Variants in IKZF5 observed in about 807,000 individuals in gnomAD.
IKZF5 encodes zinc finger protein Pegasus.
Under a neutral mutation model 30.7 loss-of-function variants are expected in IKZF5, and 4 were observed. That is an observed-to-expected ratio of 0.13 (90% confidence interval 0.06 to 0.30). IKZF5 has a LOEUF of 0.30. Ranked by LOEUF, IKZF5 falls within the 10% of genes least tolerant of loss-of-function variation. The probability of loss-of-function intolerance (pLI) is 1.00; values close to 1 mark genes in which losing one functional copy is unlikely to be tolerated. For synonymous variants in IKZF5, 148 were observed against 179.6 expected (o/e 0.82, Z 1.41); for missense variants, 348 against 525.5 (o/e 0.66, Z 3.30).
chr10:122,994,309 T>C lies in IKZF5; in HGVS notation c.731A>G (p.Gln244Arg). 6.2e-7 allele frequency: 1 copy of C among 1,614,044 alleles called. No homozygotes were observed. Residue 244 changes from glutamine to arginine, a missense_variant, in exon 5 of 5, where the codon CAA becomes CGA. Physicochemically the swap from Gln to Arg is conservative, Grantham distance 43. Coordinates refer to ENST00000368886, the MANE Select transcript of IKZF5 (RefSeq NM_001372123.1). This position sits in a 1 kb window ranked among gnomAD's most constrained non-coding sequence, Gnocchi z 5.6. ...TPTGGLPRDPQELMVDNPLNQ... is the reference protein window; with the variant it reads ...TPTGGLPRDPRELMVDNPLNQ... ...CAAAGGGTTATCAACCATGAGTTCT[T>C]GGGGGTCCCTTGGAAGGCCACCAGT... is the stretch of plus-strand genomic sequence containing the variant.
intron 2 of IKZF5, among the ~76,000 whole-genome samples, chr10:123,005,642 G>A (rs1486774225): frequency 3.3e-5 from 5 of 152,168 alleles, no homozygotes; most frequent in East Asian, 1.9e-4. Flanking sequence ...GATGGCATCT[G>A]GAGTGGGGCC....
In IKZF5 at chr10:122,994,188, C is replaced by G; in HGVS notation, c.852G>C (p.Lys284Asn). Residue 284 changes from lysine to asparagine, a missense_variant, in exon 5 of 5, where the codon AAG (lysine) becomes AAC (asparagine). Physicochemically the swap from Lys to Asn is moderately conservative, Grantham distance 94 (BLOSUM62 0). Coordinates refer to ENST00000368886, the MANE Select transcript of IKZF5 (RefSeq NM_001372123.1). This position sits in a 1 kb window ranked among gnomAD's most constrained non-coding sequence, Gnocchi z 5.6. ...SPDVVPCPDE[K>N]PFMIQQPSTQ... ...TAGAGGGCTGCTGAATCATGAAAGG[C>G]TTTTCATCAGGGCAGGGAACTACAT... 1 of 1,614,116 alleles carries G rather than the reference C, an allele frequency of 6.2e-7. No homozygotes were observed. The highest frequency in any genetic ancestry group is 1.6e-4 in the Middle Eastern group (1 of 6,062).
chr10:122,992,123 CAA>C lies in IKZF5; in HGVS notation c.*1655_*1656del, dbSNP rs1849183286. The C allele has an allele frequency of 6.6e-6, 1 of 152,142 alleles. No homozygotes were observed. The allele number at this position is 152,142 out of a possible 1,614,324, so 9.4% of individuals were successfully genotyped here. A position where few individuals can be genotyped will look rare whatever the true frequency, so the allele number is the denominator to read the frequency against. ...TAGAATTTTAAAGTACAAGATTTGA[CAA>C]AGAAGAGAGTTCCAGTTTGGAGAAA... On this transcript the variant is annotated 3_prime_UTR_variant, in exon 5 of 5. Transcript: ENST00000368886.
In IKZF5 at chr10:122,994,839, G is replaced by A. The variant is rs1849302140; in HGVS notation, c.317-116C>T. 3.8e-6 allele frequency: 3 copies of A among 794,398 alleles called. No individual in the cohort carries two copies. Among genetic ancestry groups the A allele is most frequent in the African/African-American group, 3.5e-5 (2 of 57,448 alleles). The allele number at this position is 794,398 out of a possible 1,614,324, so 49.2% of individuals were successfully genotyped here. On this transcript the variant is annotated intron_variant, in intron 4 of 4. Coordinates refer to ENST00000368886, the MANE Select transcript of IKZF5 (RefSeq NM_001372123.1). The surrounding 1 kb of genome is among the most constrained non-coding windows in gnomAD (Gnocchi z 5.6). The stretch of plus-strand genomic sequence containing the variant: ...ATCAAAAAGAAAATGCTTTCAGAAA[G>A]TCATATTTGCATAGCATATGAGATT...
Position 122,994,214 on chromosome 10 carries a change from C to G in IKZF5, c.826G>C (p.Asp276His). Residue 276 changes from aspartate (D) to histidine (H), a missense_variant, in exon 5 of 5, where the codon GAT (aspartate) becomes CAT (histidine). Physicochemically the swap from Asp to His is moderately conservative, Grantham distance 81. This residue lies in a region of IKZF5 where 176 missense variants were observed against 198.2 expected (regional missense o/e 0.89). Coordinates refer to ENST00000368886, the MANE Select transcript of IKZF5 (RefSeq NM_001372123.1). The surrounding 1 kb of genome is among the most constrained non-coding windows in gnomAD (Gnocchi z 5.6). Reference sequence around the variant, plus strand: ...TTTTCATCAGGGCAGGGAACTACATCAGGGGATGCAGGGTTTTGGTTTTCG... The same window carrying G: ...TTTTCATCAGGGCAGGGAACTACATGAGGGGATGCAGGGTTTTGGTTTTCG... Reference protein sequence around the residue: ...PPENQNPASPDVVPCPDEKPF... With the variant: ...PPENQNPASPHVVPCPDEKPF... 6.2e-7 allele frequency: 1 copy of G among 1,614,026 alleles called. No individual in the cohort carries two copies.
Position 122,991,381 on chromosome 10 carries a change from A to C in IKZF5, c.*2399T>G, listed in dbSNP as rs1378718660. On this transcript the variant is annotated 3_prime_UTR_variant, in exon 5 of 5. Transcript: ENST00000368886. ...ATTATCTACCAACTTTAAAAATCTA[A>C]ACTTATGTTCACTGAACAAAAATAA... The C allele has an allele frequency of 6.6e-6, 1 of 152,210 alleles. No homozygotes were observed. Among genetic ancestry groups the C allele is most frequent in the Non-Finnish European group, 1.5e-5 (1 of 68,020 alleles). 9.4% of individuals were successfully genotyped at this position (152,210 alleles called of 1,614,324 possible).
At chr10:123,007,907 G>A (rs569208846) in intron 1 of IKZF5, among the ~76,000 whole-genome samples, 3 of 151,962 alleles carry the variant, frequency 2.0e-5, no homozygotes, top group Non-Finnish European at 4.4e-5. Flanking sequence ...AATTTAAGAC[G>A]CCTTTATGTC....
At chr10:123,001,711 A>G (rs1849592753) in intron 2 of IKZF5, among the ~76,000 whole-genome samples, 1 of 152,104 alleles carries the variant, frequency 6.6e-6, no homozygotes, top group South Asian at 2.1e-4. Flanking sequence ...CTGCCATACC[A>G]GATACTCTTA....
chr10:123,005,622 C>T (rs937230318), intron 2 of IKZF5, among the ~76,000 whole-genome samples: 1 of 152,124 alleles, frequency 6.6e-6, no homozygotes, highest in African/African-American at 2.4e-5. Context: ...GAAATTCTAA[C>T]CCCCAATTTG....
chr10:123,007,599 C>CA (rs1006411794), intron 1 of IKZF5, among the ~76,000 whole-genome samples: 14 of 151,678 alleles, frequency 9.2e-5, no homozygotes, highest in East Asian at 3.9e-4. Flanking sequence ...AATACAAAAA[C>CA]AAAAAAAACA....
rs969143075 is a variant in IKZF5, at chr10:122,991,541, A to G, written c.*2239T>C. The G allele has an allele frequency of 1.3e-5, 2 of 152,230 alleles. No individual in the cohort carries two copies. The highest frequency in any genetic ancestry group is 4.8e-5 in the African/African-American group (2 of 41,470). The allele number at this position is 152,230 out of a possible 1,614,324, so 9.4% of individuals were successfully genotyped here. On this transcript the variant is annotated 3_prime_UTR_variant, in exon 5 of 5. Coordinates refer to ENST00000368886, the MANE Select transcript of IKZF5 (RefSeq NM_001372123.1). ...TGAAACATTCAATACAGAGGGGAAG[A>G]CACGAACATCTTTTCAAATACAGAA... is the stretch of plus-strand genomic sequence containing the variant.
intron 2 of IKZF5, among the ~76,000 whole-genome samples, chr10:123,003,783 C>T (rs377133308): frequency 5.3e-5 from 8 of 152,288 alleles, no homozygotes; most frequent in African/African-American, 1.9e-4. Context: ...TTAGTTACAA[C>T]GAAACAAACA....
intron 2 of IKZF5, among the ~76,000 whole-genome samples, chr10:123,005,798 C>G (rs10902858): frequency 6.6e-6 from 1 of 152,096 alleles, no homozygotes; most frequent in African/African-American, 2.4e-5. Flanking sequence ...ACCTGATCTG[C>G]TGGCACCTTC....
In IKZF5 at chr10:123,008,747, CCGCCGCCGTCTTCGTCACCGTCACAGT is replaced by C; in HGVS notation, c.-278_-252del. 1 of 592,180 alleles carries C rather than the reference CCGCCGCCGTCTTCGTCACCGTCACAGT, an allele frequency of 1.7e-6. No homozygotes were observed. Among genetic ancestry groups the C allele is most frequent in the Non-Finnish European group, 3.0e-6 (1 of 331,338 alleles). 36.7% of individuals were successfully genotyped at this position (592,180 alleles called of 1,614,324 possible). Reference sequence around the variant, plus strand: ...ACCGCCTTGTTAAATGCCGTCGCCGCCGCCGCCGTCTTCGTCACCGTCACAGTCGCCGCCGCCATCTTTGTTGTGTCT... The same window carrying C: ...ACCGCCTTGTTAAATGCCGTCGCCGCCGCCGCCGCCATCTTTGTTGTGTCT... On this transcript the variant is annotated 5_prime_UTR_variant, in exon 1 of 5. Transcript: ENST00000368886.
intron 2 of IKZF5, among the ~76,000 whole-genome samples, chr10:123,005,857 TAAACCAC>T (rs957248368): frequency 2.6e-5 from 4 of 152,220 alleles, no homozygotes; most frequent in Non-Finnish European, 5.9e-5. Flanking sequence ...AATGTTTGTT[TAAACCAC>T]TCAGTCTATG....
chr10:123,002,455 G>C (rs1358979868), intron 2 of IKZF5, among the ~76,000 whole-genome samples: 1 of 151,558 alleles, frequency 6.6e-6, no homozygotes, highest in African/African-American at 2.4e-5. Flanking sequence ...GGGAGGCAGA[G>C]GTTGCAGTGA....
chr10:123,006,354 A>G (rs1849781263), intron 2 of IKZF5, among the ~76,000 whole-genome samples: 2 of 152,304 alleles, frequency 1.3e-5, no homozygotes, highest in African/African-American at 4.8e-5. Flanking sequence ...GAAGCTGTTG[A>G]TCAATGCAAG....
intron 2 of IKZF5, among the ~76,000 whole-genome samples, chr10:123,000,285 A>G (rs971863406): frequency 6.6e-6 from 1 of 152,178 alleles, no homozygotes; most frequent in African/African-American, 2.4e-5. Flanking sequence ...TCTGTAGATT[A>G]GTTTTGTCTG....
In IKZF5 at chr10:122,994,863, T is replaced by C. The variant is rs1473654877; in HGVS notation, c.317-140A>G. ...AGTCATATTTGCATAGCATATGAGA[T>C]TGTTAAAATTTGTAAATAAACCCAC... On this transcript the variant is annotated intron_variant, in intron 4 of 4. Transcript: ENST00000368886. The surrounding 1 kb of genome is among the most constrained non-coding windows in gnomAD (Gnocchi z 5.6). 1.2e-5 allele frequency: 8 copies of C among 658,402 alleles called. No homozygotes were observed. Among genetic ancestry groups the C allele is most frequent in the East Asian group, 2.8e-5 (1 of 36,078 alleles). The allele number at this position is 658,402 out of a possible 1,614,324, so 40.8% of individuals were successfully genotyped here.
Sources: allele counts gnomAD v4.1 joint callset (sites outside exome capture counted in the v4.1 genomes callset), GRCh38; gene constraint gnomAD v4.1.1; regional missense constraint gnomAD v4.1.1; non-coding constraint Gnocchi (gnomAD v3.1); transcripts MANE v1.5; gene names NCBI Gene and HGNC (gene_info 2026-07-23, HGNC 2026-07-21).